GNA14: variants seen among roughly 807,000 people sequenced by gnomAD.
GNA14 encodes the protein guanine nucleotide-binding protein subunit alpha-14.
Under a neutral mutation model 42.0 loss-of-function variants are expected in GNA14, and 50 were observed. That is an observed-to-expected ratio of 1.19 (90% CI 0.95 to 1.51). GNA14 has a LOEUF of 1.51. Among genes scored for constraint, GNA14 ranks in the 40% most tolerant of loss-of-function variants. The probability of loss-of-function intolerance (pLI) is 0.00; values close to 1 mark genes in which losing one functional copy is unlikely to be tolerated. For synonymous variants in GNA14, 173 were observed against 163.1 expected (o/e 1.06, Z -0.46); for missense variants, 473 against 446.2 (o/e 1.06, Z -0.54).
At chr9:77,611,385 G>A (rs1427879846) in intron 1 of GNA14, among the ~76,000 whole-genome samples, 1 of 152,206 alleles carries the variant, frequency 6.6e-6, no homozygotes, top group South Asian at 2.1e-4. Flanking sequence ...TACAGGAGGG[G>A]AACTCTGAAC....
At chr9:77,501,709 ATTTC>A (rs1273388886) in intron 2 of GNA14, among the ~76,000 whole-genome samples, 2 of 94,282 alleles carry the variant, frequency 2.1e-5, no homozygotes, top group Non-Finnish European at 4.2e-5. Flanking sequence ...AGATTGGATA[ATTTC>A]TTTTTTTTTT....
chr9:77,640,893 C>A (rs28667023), intron 1 of GNA14, among the ~76,000 whole-genome samples: 1,712 of 106,748 alleles, frequency 0.016, 61 homozygotes, highest in African/African-American at 0.064. Context: ...AAAAAAAAAA[C>A]AACAGACAGA....
intron 2 of GNA14, among the ~76,000 whole-genome samples, chr9:77,458,712 C>G (rs1836050555): frequency 6.6e-6 from 1 of 152,114 alleles, no homozygotes; most frequent in African/African-American, 2.4e-5. Context: ...TTTTGTATCA[C>G]AGATTGTTTA....
chr9:77,599,215 G>T (rs773319966), intron 1 of GNA14, among the ~76,000 whole-genome samples: 1 of 152,166 alleles, frequency 6.6e-6, no homozygotes, highest in African/African-American at 2.4e-5. Flanking sequence ...TACTCTAGAC[G>T]ATGATGACAA....
intron 1 of GNA14, among the ~76,000 whole-genome samples, chr9:77,635,974 A>G (rs1310209305): frequency 2.0e-5 from 3 of 152,210 alleles, no homozygotes; most frequent in Non-Finnish European, 4.4e-5. Flanking sequence ...AGTCTTCAAT[A>G]AAAATACTCT....
At chr9:77,517,604 T>C (rs1313585263) in intron 2 of GNA14, 2 of 97,830 alleles carry the variant, frequency 2.0e-5, no homozygotes, top group Non-Finnish European at 4.1e-5. Context: ...TTTTTTTTTT[T>C]TTTTTTTTTT....
At chr9:77,459,219 G>A (rs1250966540) in intron 2 of GNA14, among the ~76,000 whole-genome samples, 1 of 150,672 alleles carries the variant, frequency 6.6e-6, no homozygotes, top group Non-Finnish European at 1.5e-5. Flanking sequence ...CTGGGCGACA[G>A]AGTGAGACCC....
chr9:77,567,227 T>C (rs1026151106), intron 1 of GNA14, among the ~76,000 whole-genome samples: 3 of 152,224 alleles, frequency 2.0e-5, no homozygotes, highest in African/African-American at 7.2e-5. Context: ...AGCAAGATTA[T>C]TGACCTACTC....
chr9:77,605,803 G>T (rs534029953), intron 1 of GNA14, among the ~76,000 whole-genome samples: 2 of 152,122 alleles, frequency 1.3e-5, no homozygotes, highest in African/African-American at 2.4e-5. Context: ...AGCAAGTTTC[G>T]CCCCTTAGTC....
At chr9:77,621,589 A>G (rs1046252552) in intron 1 of GNA14, among the ~76,000 whole-genome samples, 2 of 152,194 alleles carry the variant, frequency 1.3e-5, no homozygotes, top group African/African-American at 4.8e-5. Context: ...CACCTGCCCC[A>G]CCCGTTAATA....
At chr9:77,490,464 A>C (rs529303523) in intron 2 of GNA14, among the ~76,000 whole-genome samples, 33 of 152,372 alleles carry the variant, frequency 2.2e-4, no homozygotes, top group African/African-American at 7.5e-4. Context: ...CTCAGGCTGC[A>C]CAGGAACCCA....
At chr9:77,591,328 A>C (rs761695733) in intron 1 of GNA14, among the ~76,000 whole-genome samples, 1 of 152,198 alleles carries the variant, frequency 6.6e-6, no homozygotes, top group Non-Finnish European at 1.5e-5. Context: ...TTGTCCACAA[A>C]TCTTTGAGTA....
intron 1 of GNA14, among the ~76,000 whole-genome samples, chr9:77,584,195 C>G (rs1823266929): frequency 6.6e-6 from 1 of 152,172 alleles, no homozygotes; most frequent in Non-Finnish European, 1.5e-5. Context: ...CATTAAGAAT[C>G]TACCTCTACC....
intron 2 of GNA14, among the ~76,000 whole-genome samples, chr9:77,519,359 C>A (rs755807013): frequency 2.0e-5 from 3 of 151,482 alleles, no homozygotes; most frequent in Non-Finnish European, 4.4e-5. Context: ...TGCAGTGAGC[C>A]GAGATTGCGC....
At chr9:77,531,282 T>C (rs1837525087) in intron 1 of GNA14, among the ~76,000 whole-genome samples, 1 of 152,152 alleles carries the variant, frequency 6.6e-6, no homozygotes, top group Non-Finnish European at 1.5e-5. Flanking sequence ...AGGTCTTATA[T>C]CATGGACAAC....
chr9:77,613,416 A>G (rs1823762449), intron 1 of GNA14, among the ~76,000 whole-genome samples: 4 of 152,220 alleles, frequency 2.6e-5, no homozygotes, highest in Admixed American at 2.0e-4. Flanking sequence ...AATGACAGTT[A>G]AAGGATACGA....
chr9:77,537,287 A>C (rs995342516), intron 1 of GNA14, among the ~76,000 whole-genome samples: 1 of 152,130 alleles, frequency 6.6e-6, no homozygotes, highest in African/African-American at 2.4e-5. Flanking sequence ...CGGCTCCACA[A>C]GACCAAGTGT....
intron 1 of GNA14, among the ~76,000 whole-genome samples, chr9:77,592,059 C>G (rs557724484): frequency 6.3e-4 from 96 of 152,152 alleles, no homozygotes; most frequent in African/African-American, 2.2e-3. Context: ...GGACTACAGG[C>G]GCCCACCACC....
intron 1 of GNA14, among the ~76,000 whole-genome samples, chr9:77,618,121 T>C (rs55666677): frequency 0.12 from 18,933 of 151,978 alleles, 1,722 homozygotes; most frequent in African/African-American, 0.26. Context: ...CTCTCAGATA[T>C]TTGAAGGACT....
Sources: gnomAD v4.1 joint callset for allele counts (sites outside exome capture counted in the v4.1 genomes callset) on GRCh38, gnomAD v4.1.1 for gene constraint, MANE v1.5 for transcripts, NCBI Gene and HGNC (gene_info 2026-07-23, HGNC 2026-07-21) for gene names.